Variants in VCX3A observed in about 807,000 individuals in gnomAD.
VCX3A encodes the protein variable charge X-linked protein 3.
For synonymous variants in VCX3A, 6 were observed against 69.9 expected, an observed-to-expected ratio of 0.09 and a Z score of 4.56; for missense variants, 37 against 151.4, an observed-to-expected ratio of 0.24 and a Z score of 3.97.
At position 6,533,704 on chromosome X, in the gene VCX3A, A is replaced by G; in HGVS notation, c.*41T>C. ...TCTGAGGTCTGGCGGCTGGGCCTGA[A>G]CTTAGTCGCTGCTCTCGGAGATAGG... On this transcript the variant is annotated 3_prime_UTR_variant, in exon 3 of 3. Coordinates refer to ENST00000381089, the MANE Select transcript of VCX3A (RefSeq NM_016379.4). 8.4e-7 allele frequency: 1 copy of G among 1,185,245 alleles called. No individual in the cohort carries two copies. Among genetic ancestry groups the G allele is most frequent in the Non-Finnish European group, 1.1e-6 (1 of 880,023 alleles).
At position 6,533,736 on chromosome X, in the gene VCX3A, G is replaced by C. The variant is rs77413590; in HGVS notation, c.*9C>G. The C allele has an allele frequency of 5.7e-3, 5,523 of 966,755 alleles. 110 individuals carry two copies. The highest frequency in any genetic ancestry group is 0.026 in the African/African-American group (624 of 23,561). The allele number at this position is 966,755 out of a possible 1,213,427, so 79.7% of individuals were successfully genotyped here. A position where few individuals can be genotyped will look rare whatever the true frequency, so the allele number is the denominator to read the frequency against. ...CGCTGCTCTCGGAGATAGGGGAGTA[G>C]CTGGCCGTCTACACACTCGGTAGTT... On this transcript the variant is annotated 3_prime_UTR_variant, in exon 3 of 3. Transcript: ENST00000381089.
chrX:6,534,716 G>A (rs909900525), intron 1 of VCX3A, 73 bp from the exon 2 acceptor site: 47 of 333,974 alleles, frequency 1.4e-4, no homozygotes, highest in Non-Finnish European at 2.1e-4. Context: ...GGGGCGGGGG[G>A]GGGTGACATC....
chrX:6,534,691 T>C (rs1408089636), intron 1 of VCX3A, 48 bp from the exon 2 acceptor site: 11 of 249,974 alleles, frequency 4.4e-5, no homozygotes, highest in Non-Finnish European at 7.1e-5. Context: ...CATCAGGACA[T>C]GGCGGATGAA....
At chrX:6,534,933 A>G (rs146266889) in intron 1 of VCX3A, 25 bp downstream of exon 1, 23,562 of 153,554 alleles carry the variant, frequency 0.15, 4,332 homozygotes, top group African/African-American at 0.61. Context: ...ACCTGCCATC[A>G]TTACCCAGTT....
rs1921819583 is a variant in VCX3A at position 6,534,712 on chromosome X, G to T, written c.-146-69C>A. Reference sequence around the variant, plus strand: ...GACATGGCGGATGAAGTCGGGGGCGGGGGGGGGTGACATCTAATGAGGAAG... The same window carrying T: ...GACATGGCGGATGAAGTCGGGGGCGTGGGGGGGTGACATCTAATGAGGAAG... On this transcript the variant is annotated intron_variant, in intron 1 of 2. Coordinates refer to ENST00000381089, the MANE Select transcript of VCX3A (RefSeq NM_016379.4). 8.8e-6 allele frequency: 3 copies of T among 341,449 alleles called. 1 individual carries two copies. The highest frequency in any genetic ancestry group is 1.2e-4 in the East Asian group (2 of 17,324). The allele number at this position is 341,449 out of a possible 1,213,427, so 28.1% of individuals were successfully genotyped here.
chrX:6,533,650 A>G lies in VCX3A; in HGVS notation c.*95T>C. 2.6e-6 allele frequency: 3 copies of G among 1,139,766 alleles called. No homozygotes were observed. Among genetic ancestry groups the G allele is most frequent in the Non-Finnish European group, 3.5e-6 (3 of 853,438 alleles). 93.9% of individuals were successfully genotyped at this position (1,139,766 alleles called of 1,213,427 possible). A position where few individuals can be genotyped will look rare whatever the true frequency, so the allele number is the denominator to read the frequency against. ...GCAACACATTCATTTTATTATCTTC[A>G]GAATGGCAAGCACCCCGCTGGTGAG... On this transcript the variant is annotated 3_prime_UTR_variant, in exon 3 of 3. Transcript: ENST00000381089.
At chrX:6,534,680 C>G (rs1396246099) in intron 1 of VCX3A, 37 bp from the exon 2 acceptor site, 8 of 541,019 alleles carry the variant, frequency 1.5e-5, no homozygotes, top group Non-Finnish European at 2.3e-5. Flanking sequence ...TCACAACGCA[C>G]CATCAGGACA....
chrX:6,533,648 T>C lies in VCX3A; in HGVS notation c.*97A>G, dbSNP rs749763228. ...TTGCAACACATTCATTTTATTATCT[T>C]CAGAATGGCAAGCACCCCGCTGGTG... On this transcript the variant is annotated 3_prime_UTR_variant, in exon 3 of 3. Coordinates refer to ENST00000381089, the MANE Select transcript of VCX3A (RefSeq NM_016379.4). 1.8e-6 allele frequency: 2 copies of C among 1,136,105 alleles called. No individual in the cohort carries two copies. The highest frequency in any genetic ancestry group is 3.7e-5 in the South Asian group (2 of 53,648). The allele number at this position is 1,136,105 out of a possible 1,213,427, so 93.6% of individuals were successfully genotyped here.
At position 6,533,743 on chromosome X, in the gene VCX3A, G is replaced by C. The variant is rs149365061; in HGVS notation, c.*2C>G. On this transcript the variant is annotated 3_prime_UTR_variant, in exon 3 of 3. Transcript: ENST00000381089. ...CTCGGAGATAGGGGAGTAGCTGGCC[G>C]TCTACACACTCGGTAGTTCTTCCAT... 8.5e-7 allele frequency: 1 copy of C among 1,179,644 alleles called. No individual in the cohort carries two copies. The highest frequency in any genetic ancestry group is 2.2e-5 in the Admixed American group (1 of 44,843).
At position 6,533,670 on chromosome X, in the gene VCX3A, G is replaced by A; in HGVS notation, c.*75C>T. On this transcript the variant is annotated 3_prime_UTR_variant, in exon 3 of 3. Coordinates refer to ENST00000381089, the MANE Select transcript of VCX3A (RefSeq NM_016379.4). ...TCTTCAGAATGGCAAGCACCCCGCT[G>A]GTGAGATCTCTGAGGTCTGGCGGCT... The A allele has an allele frequency of 3.4e-6, 4 of 1,173,432 alleles. No homozygotes were observed. The highest frequency in any genetic ancestry group is 4.5e-5 in the Admixed American group (2 of 44,029).
chrX:6,534,802 G>C (rs1232956916), intron 1 of VCX3A, among the ~76,000 whole-genome samples, 156 bp downstream of exon 1: 1 of 94,471 alleles, frequency 1.1e-5, no homozygotes, highest in East Asian at 3.3e-4. Flanking sequence ...TTCCCAAACT[G>C]ACATGTCACC....
chrX:6,534,145 C>T lies in VCX3A; in HGVS notation c.161G>A (p.Gly54Glu). Residue 54 changes from glycine to glutamate, a missense_variant, in exon 3 of 3, where the codon GGG (glycine) becomes GAG (glutamate). Physicochemically the swap from Gly to Glu is moderately conservative, Grantham distance 98 (BLOSUM62 -2). Transcript: ENST00000381089. ...CACGGCCGCCATCTTTGTCGCAGCC[C>T]CTTTCTTCCCGCGTCTCCCTCTACG... Reference protein sequence around the residue: ...AVRRGRRGKKGAATKMAAVTA... With the variant: ...AVRRGRRGKKEAATKMAAVTA... The T allele has an allele frequency of 9.6e-7, 1 of 1,040,920 alleles. No homozygotes were observed. Among genetic ancestry groups the T allele is most frequent in the South Asian group, 2.1e-5 (1 of 47,902 alleles). The allele number at this position is 1,040,920 out of a possible 1,213,427, so 85.8% of individuals were successfully genotyped here.
rs200714581 is a variant in VCX3A, at chrX:6,533,891, C to A, written c.415G>T (p.Glu139Ter). The A allele has an allele frequency of 9.1e-7, 1 of 1,098,806 alleles. No homozygotes were observed. The highest frequency in any genetic ancestry group is 1.2e-6 in the Non-Finnish European group (1 of 815,012). The allele number at this position is 1,098,806 out of a possible 1,213,427, so 90.6% of individuals were successfully genotyped here. The change falls in exon 3 of 3, where the codon GAG becomes TAG. Residue 139 changes from glutamate to a stop codon, truncating the protein, a stop_gained. Transcript: ENST00000381089. LOFTEE classifies it low-confidence loss of function (END_TRUNC). Reference protein sequence around the residue: ...QVEEPLSQESEVEEPLSQESQ... With the variant: ...QVEEPLSQES ...TCCTGACTCAGTGGTTCTTCCACCT[C>A]GCTCTCCTGACTCAGTGGTTCCTCC...
rs1454408792 is a variant in VCX3A, at chrX:6,535,061, C to T, written c.-250G>A. 3 of 117,990 alleles carry T rather than the reference C, an allele frequency of 2.5e-5. No homozygotes were observed. Among genetic ancestry groups the T allele is most frequent in the East Asian group, 5.3e-4 (2 of 3,758 alleles). 9.7% of individuals were successfully genotyped at this position (117,990 alleles called of 1,213,427 possible). A position where few individuals can be genotyped will look rare whatever the true frequency, so the allele number is the denominator to read the frequency against. On this transcript the variant is annotated 5_prime_UTR_variant, in exon 1 of 3. In the 5' UTR this introduces an upstream ATG that the reference lacks. Transcript: ENST00000381089. ...TCTGCTACACCTTGAGGATCATTCA[C>T]TTCTTGGATGCCATGAAACAACTTT...
In VCX3A at chrX:6,534,660, G is replaced by A; in HGVS notation, c.-146-17C>T. On this transcript the variant is annotated splice_polypyrimidine_tract_variant and intron_variant, in intron 1 of 2. Coordinates refer to ENST00000381089, the MANE Select transcript of VCX3A (RefSeq NM_016379.4). Reference sequence around the variant, plus strand: ...ATGGTAGCCCTGGGTGGGAAGGAAGGCCTTATACGTCACAACGCACCATCA... The same window carrying A: ...ATGGTAGCCCTGGGTGGGAAGGAAGACCTTATACGTCACAACGCACCATCA... The A allele has an allele frequency of 1.5e-6, 1 of 681,378 alleles. No individual in the cohort carries two copies. Among genetic ancestry groups the A allele is most frequent in the Non-Finnish European group, 2.1e-6 (1 of 475,451 alleles). The allele number at this position is 681,378 out of a possible 1,213,427, so 56.2% of individuals were successfully genotyped here.
chrX:6,533,724 G>C lies in VCX3A; in HGVS notation c.*21C>G. On this transcript the variant is annotated 3_prime_UTR_variant, in exon 3 of 3. Transcript: ENST00000381089. ...CCTGAACTTAGTCGCTGCTCTCGGA[G>C]ATAGGGGAGTAGCTGGCCGTCTACA... 1 of 1,186,606 alleles carries C rather than the reference G, an allele frequency of 8.4e-7. No homozygotes were observed. The highest frequency in any genetic ancestry group is 1.1e-6 in the Non-Finnish European group (1 of 879,942).
Position 6,533,687 on chromosome X carries a change from C to G in VCX3A, c.*58G>C, listed in dbSNP as rs756346768. The G allele has an allele frequency of 5.1e-6, 6 of 1,182,604 alleles. No individual in the cohort carries two copies. Among genetic ancestry groups the G allele is most frequent in the South Asian group, 3.6e-5 (2 of 55,327 alleles). The stretch of plus-strand genomic sequence containing the variant: ...ACCCCGCTGGTGAGATCTCTGAGGT[C>G]TGGCGGCTGGGCCTGAACTTAGTCG... On this transcript the variant is annotated 3_prime_UTR_variant, in exon 3 of 3. Transcript: ENST00000381089.
At position 6,533,709 on chromosome X, in the gene VCX3A, G is replaced by T. The variant is rs377502098; in HGVS notation, c.*36C>A. ...GGTCTGGCGGCTGGGCCTGAACTTA[G>T]TCGCTGCTCTCGGAGATAGGGGAGT... is the stretch of plus-strand genomic sequence containing the variant. On this transcript the variant is annotated 3_prime_UTR_variant, in exon 3 of 3. Coordinates refer to ENST00000381089, the MANE Select transcript of VCX3A (RefSeq NM_016379.4). 55 of 1,179,359 alleles carry T rather than the reference G, an allele frequency of 4.7e-5. No homozygotes were observed. The highest frequency in any genetic ancestry group is 4.2e-5 in the Non-Finnish European group (37 of 877,831).
At chrX:6,534,676 CGCACCAT>C (rs1297114264) in intron 1 of VCX3A, 33 bp from the exon 2 acceptor site, 1 of 547,455 alleles carries the variant, frequency 1.8e-6, no homozygotes, top group Non-Finnish European at 2.8e-6. Flanking sequence ...TACGTCACAA[CGCACCAT>C]CAGGACATGG....
Sources: gnomAD v4.1 joint callset for allele counts (sites outside exome capture counted in the v4.1 genomes callset) on GRCh38, gnomAD v4.1.1 for gene constraint, MANE v1.5 for transcripts, NCBI Gene and HGNC (gene_info 2026-07-23, HGNC 2026-07-21) for gene names.